The following COL4A6 variants were observed in gnomAD, a reference collection of about 807,000 sequenced individuals.
The protein encoded by COL4A6 is collagen type IV alpha 6 chain.
A neutral mutation model predicts 126.7 loss-of-function variants in COL4A6; 59 were observed. The observed-to-expected ratio is 0.47, with a 90% CI of 0.38 to 0.58. The LOEUF is 0.58. Among genes scored for constraint, COL4A6 ranks in the 20% least tolerant of loss-of-function variants. The pLI is 0.00. For missense variants in COL4A6, 1,285 were observed against 1,337.3 expected, an observed-to-expected ratio of 0.96 and a Z score of 0.61; for synonymous variants, 547 against 496.6, an observed-to-expected ratio of 1.10 and a Z score of -1.35.
At chrX:108,384,471 G>A (rs1212293139) in intron 2 of COL4A6, among the ~76,000 whole-genome samples, 1 of 112,233 alleles carries the variant, frequency 8.9e-6, no homozygotes, top group Non-Finnish European at 1.9e-5. Context: ...TGGGAAGCAC[G>A]TAGGGGAAAT....
chrX:108,159,337 G>T, intron 44 of COL4A6, 125 bp downstream of exon 44: 1 of 824,152 alleles, frequency 1.2e-6, no homozygotes, highest in Non-Finnish European at 1.7e-6. Flanking sequence ...CTTTAGCCAA[G>T]CCCAGTCCAA....
At chrX:108,157,367 C>A in intron 44 of COL4A6, 107 bp from the exon 45 acceptor site, 1 of 1,064,682 alleles carries the variant, frequency 9.4e-7, no homozygotes, top group Non-Finnish European at 1.2e-6. Context: ...CATTCCTAAG[C>A]CCTGGTTCCT....
At chrX:108,279,204 G>C (rs1179509920) in intron 3 of COL4A6, among the ~76,000 whole-genome samples, 26 of 110,976 alleles carry the variant, frequency 2.3e-4, no homozygotes, top group African/African-American at 8.2e-4. Context: ...TGGCAAGTTG[G>C]ATAAAGAGCC....
At chrX:108,412,213 G>C (rs1009468202) in intron 2 of COL4A6, among the ~76,000 whole-genome samples, 5 of 112,084 alleles carry the variant, frequency 4.5e-5, no homozygotes, top group African/African-American at 1.6e-4. Context: ...GGCTTATCTA[G>C]CTTTCCAAAA....
At chrX:108,437,892 T>G in intron 2 of COL4A6, 50 bp downstream of exon 2, 1 of 1,188,390 alleles carries the variant, frequency 8.4e-7, no homozygotes, top group Non-Finnish European at 1.1e-6. Context: ...ATGGGGATGG[T>G]TAGAGGGTCA....
At position 108,438,334 on chromosome X, in the gene COL4A6, A is replaced by G; in HGVS notation, c.-138T>C. ...AGGTGGACGAAGTGGCCCAGTTTGG[A>G]AGAAACTAAACACTGCTTCTAGATA... On this transcript the variant is annotated 5_prime_UTR_variant, in exon 1 of 45. Coordinates refer to ENST00000334504, the MANE Select transcript of COL4A6 (RefSeq NM_033641.4). The G allele has an allele frequency of 9.2e-7, 1 of 1,087,353 alleles. No homozygotes were observed. Among genetic ancestry groups the G allele is most frequent in the South Asian group, 2.5e-5 (1 of 39,345 alleles). The allele number at this position is 1,087,353 out of a possible 1,213,427, so 89.6% of individuals were successfully genotyped here.
Position 108,438,211 on chromosome X carries a change from C to G in COL4A6, c.-15G>C. 2 of 1,187,784 alleles carry G rather than the reference C, an allele frequency of 1.7e-6. No individual in the cohort carries two copies. Among genetic ancestry groups the G allele is most frequent in the South Asian group, 2.0e-5 (1 of 51,244 alleles). ...CCAGGGTGCATGCTTGCGGCTCCTCCGGAGCTGGGTCCCGGGAGACTGCTA... is the reference window on the plus strand; with the variant it reads ...CCAGGGTGCATGCTTGCGGCTCCTCGGGAGCTGGGTCCCGGGAGACTGCTA... On this transcript the variant is annotated 5_prime_UTR_variant, in exon 1 of 45. Transcript: ENST00000334504.
chrX:108,245,745 A>G (rs771693140), intron 3 of COL4A6, among the ~76,000 whole-genome samples: 4 of 111,903 alleles, frequency 3.6e-5, no homozygotes, highest in South Asian at 3.8e-4. Context: ...GTCTGGATCC[A>G]GTGTAGGTCC....
chrX:108,172,653 G>A (rs1159997327), intron 31 of COL4A6, 121 bp from the exon 32 acceptor site: 1 of 506,901 alleles, frequency 2.0e-6, no homozygotes, highest in East Asian at 3.8e-5. Context: ...CTGTGGCAAG[G>A]GTGGACTGTG....
chrX:108,420,998 A>G (rs1342241814), intron 2 of COL4A6, among the ~76,000 whole-genome samples: 1 of 112,186 alleles, frequency 8.9e-6, no homozygotes, highest in African/African-American at 3.2e-5. Flanking sequence ...AATTAAATTT[A>G]TATCTCTATA....
At chrX:108,190,544 T>C in intron 19 of COL4A6, 48 bp from the exon 20 acceptor site, 1 of 789,166 alleles carries the variant, frequency 1.3e-6, no homozygotes, top group Non-Finnish European at 1.9e-6. Context: ...ATAAGCCTGA[T>C]GACTTCCCTG....
At chrX:108,343,721 T>A (rs1036710019) in intron 2 of COL4A6, among the ~76,000 whole-genome samples, 1 of 109,736 alleles carries the variant, frequency 9.1e-6, no homozygotes, top group African/African-American at 3.3e-5. Context: ...TGCAATAAAA[T>A]TTTGGTTTTT....
chrX:108,245,566 A>G (rs1370835068), intron 3 of COL4A6, among the ~76,000 whole-genome samples: 1 of 112,092 alleles, frequency 8.9e-6, no homozygotes, highest in Non-Finnish European at 1.9e-5. Context: ...GAGACGATGG[A>G]GGATTGCCTA....
intron 3 of COL4A6, among the ~76,000 whole-genome samples, chrX:108,291,593 A>G (rs778870611): frequency 3.5e-4 from 39 of 110,054 alleles, no homozygotes; most frequent in Middle Eastern, 4.7e-3. Context: ...TAGTATCTTC[A>G]CTTATAAATC....
chrX:108,409,359 A>C (rs1026066453), intron 2 of COL4A6, among the ~76,000 whole-genome samples: 1 of 112,203 alleles, frequency 8.9e-6, no homozygotes, highest in Non-Finnish European at 1.9e-5. Flanking sequence ...TATTATTTCG[A>C]ATAATAATTA....
intron 2 of COL4A6, among the ~76,000 whole-genome samples, chrX:108,311,546 G>A (rs894806183): frequency 2.7e-5 from 3 of 111,159 alleles, no homozygotes; most frequent in South Asian, 7.7e-4. Context: ...ACAGGAGGGC[G>A]TTCATTCTGT....
At chrX:108,174,983 G>A (rs2034432983) in intron 30 of COL4A6, 107 bp downstream of exon 30, 1 of 992,025 alleles carries the variant, frequency 1.0e-6, no homozygotes. Context: ...CTGCTCTGAG[G>A]TTGGCGATGG....
chrX:108,172,638 G>T, intron 31 of COL4A6, 106 bp from the exon 32 acceptor site: 1 of 590,819 alleles, frequency 1.7e-6, no homozygotes. Flanking sequence ...TGTCCATCAT[G>T]TATTCTGTGG....
At chrX:108,369,789 G>A (rs2040281207) in intron 2 of COL4A6, among the ~76,000 whole-genome samples, 1 of 112,262 alleles carries the variant, frequency 8.9e-6, no homozygotes, top group Non-Finnish European at 1.9e-5. Context: ...GGGCCAAACA[G>A]TAAATGTTTT....
Sources: allele counts gnomAD v4.1 joint callset (sites outside exome capture counted in the v4.1 genomes callset), GRCh38; gene constraint gnomAD v4.1.1; transcripts MANE v1.5; gene names NCBI Gene and HGNC (gene_info 2026-07-23, HGNC 2026-07-21).